The following KCNQ3 variants were observed in gnomAD, a reference collection of about 807,000 sequenced individuals.
KCNQ3 encodes the protein potassium voltage-gated channel subfamily Q member 3.
Under a neutral mutation model 92.5 loss-of-function variants are expected in KCNQ3, and 30 were observed. The ratio of observed to expected loss-of-function variants is 0.32; its 90% CI spans 0.24 to 0.44. The LOEUF (loss-of-function observed/expected upper bound fraction) is 0.44, where lower values mean the gene tolerates loss of function less well. Ranked by LOEUF, KCNQ3 falls within the 20% of genes least tolerant of loss-of-function variation. The pLI is 1.00. For synonymous variants in KCNQ3, 450 were observed against 468.8 expected, an observed-to-expected ratio of 0.96 and a Z score of 0.52; for missense variants, 913 against 1,140.3, an observed-to-expected ratio of 0.80 and a Z score of 2.87.
At chr8:132,229,023 A>G (rs767497343) in intron 1 of KCNQ3, among the ~76,000 whole-genome samples, 1 of 152,180 alleles carries the variant, frequency 6.6e-6, no homozygotes, top group Non-Finnish European at 1.5e-5. Context: ...TGGGAGGCCA[A>G]GGCAGATGGA....
At chr8:132,436,816 T>C (rs1821406104) in intron 1 of KCNQ3, among the ~76,000 whole-genome samples, 1 of 152,142 alleles carries the variant, frequency 6.6e-6, no homozygotes, top group South Asian at 2.1e-4. Context: ...TAGTTCTCCC[T>C]GGGCTCAGTC....
rs1181188163 is a variant in KCNQ3 at position 132,123,746 on chromosome 8, G to A, written c.*5516C>T. On this transcript the variant is annotated 3_prime_UTR_variant, in exon 15 of 15. Coordinates refer to ENST00000388996, the MANE Select transcript of KCNQ3 (RefSeq NM_004519.4). ...ATCTAAAAAGACAGGTGGTTGTTCT[G>A]GGTGATCAAAATCTCTTCTTGCTCT... 6.6e-6 allele frequency: 1 copy of A among 152,152 alleles called. No homozygotes were observed. The highest frequency in any genetic ancestry group is 2.4e-5 in the African/African-American group (1 of 41,412). The allele number at this position is 152,152 out of a possible 1,614,324, so 9.4% of individuals were successfully genotyped here. A position where few individuals can be genotyped will look rare whatever the true frequency, so the allele number is the denominator to read the frequency against.
At chr8:132,410,125 C>T (rs530997040) in intron 1 of KCNQ3, among the ~76,000 whole-genome samples, 1 of 152,132 alleles carries the variant, frequency 6.6e-6, no homozygotes, top group Non-Finnish European at 1.5e-5. Flanking sequence ...GAGACCCTGT[C>T]TCAAAAAATA....
chr8:132,325,902 T>C (rs1818033327), intron 1 of KCNQ3, among the ~76,000 whole-genome samples: 2 of 152,172 alleles, frequency 1.3e-5, no homozygotes, highest in South Asian at 4.1e-4. Context: ...GGTAGTCAAA[T>C]ACAGAACTGA....
chr8:132,348,676 C>A (rs1415284463), intron 1 of KCNQ3, among the ~76,000 whole-genome samples: 1 of 152,222 alleles, frequency 6.6e-6, no homozygotes, highest in Non-Finnish European at 1.5e-5. Context: ...CTCCTCTTCA[C>A]AGAGGGCTCT....
chr8:132,309,683 T>C (rs1166910083), intron 1 of KCNQ3, among the ~76,000 whole-genome samples: 1 of 152,170 alleles, frequency 6.6e-6, no homozygotes, highest in Admixed American at 6.5e-5. Flanking sequence ...AACTAGTAAC[T>C]GCATGACCAG....
At chr8:132,388,745 CT>C (rs1819968518) in intron 1 of KCNQ3, among the ~76,000 whole-genome samples, 1 of 152,192 alleles carries the variant, frequency 6.6e-6, no homozygotes, top group Non-Finnish European at 1.5e-5. Context: ...CAAGATGCTT[CT>C]CTTCATAAAA....
chr8:132,305,623 A>G (rs1238068328), intron 1 of KCNQ3, among the ~76,000 whole-genome samples: 1 of 152,062 alleles, frequency 6.6e-6, no homozygotes, highest in African/African-American at 2.4e-5. Context: ...ATTGCTTTCC[A>G]TGCCTCACTC....
In KCNQ3 at chr8:132,128,110, C is replaced by CAA. The variant is rs1172735512; in HGVS notation, c.*1150_*1151dup. On this transcript the variant is annotated 3_prime_UTR_variant, in exon 15 of 15. Transcript: ENST00000388996. The stretch of plus-strand genomic sequence containing the variant: ...TAAACTGGGTGCTTTCCACGCGACA[C>CAA]AAAGTCATATATCTTGACACAATCT... 1 of 152,138 alleles carries CAA rather than the reference C, an allele frequency of 6.6e-6. No homozygotes were observed. The highest frequency in any genetic ancestry group is 1.5e-5 in the Non-Finnish European group (1 of 68,034). 9.4% of individuals were successfully genotyped at this position (152,138 alleles called of 1,614,324 possible).
chr8:132,387,324 T>C (rs1035917676), intron 1 of KCNQ3, among the ~76,000 whole-genome samples: 9 of 152,332 alleles, frequency 5.9e-5, no homozygotes, highest in African/African-American at 1.9e-4. Flanking sequence ...ATCACCTTAA[T>C]AGATATCTAA....
At chr8:132,184,513 G>A (rs556387812) in intron 2 of KCNQ3, 146 bp from the exon 3 acceptor site, 2 of 766,942 alleles carry the variant, frequency 2.6e-6, no homozygotes, top group South Asian at 2.9e-5. Context: ...GATGGGGGTG[G>A]GGAAGGGGAA....
intron 1 of KCNQ3, among the ~76,000 whole-genome samples, chr8:132,409,693 T>C (rs552898377): frequency 5.3e-5 from 8 of 152,350 alleles, no homozygotes; most frequent in African/African-American, 1.9e-4. Flanking sequence ...CATTTATCCC[T>C]GGATTTCCTT....
chr8:132,226,985 A>G (rs1220247785), intron 1 of KCNQ3, among the ~76,000 whole-genome samples: 1 of 152,084 alleles, frequency 6.6e-6, no homozygotes, highest in Non-Finnish European at 1.5e-5. Context: ...AGCTTAAGTC[A>G]CTTGTCATAG....
intron 1 of KCNQ3, among the ~76,000 whole-genome samples, chr8:132,364,171 T>A (rs529564102): frequency 1.3e-5 from 2 of 152,280 alleles, no homozygotes; most frequent in Non-Finnish European, 2.9e-5. Context: ...AAAAATTGAA[T>A]TAAAATATTT....
intron 1 of KCNQ3, among the ~76,000 whole-genome samples, chr8:132,269,409 A>G (rs1186585068): frequency 6.6e-6 from 1 of 152,086 alleles, no homozygotes; most frequent in African/African-American, 2.4e-5. Context: ...GATTCTACTT[A>G]TTTATTTATT....
chr8:132,340,310 A>G (rs1335581713), intron 1 of KCNQ3, among the ~76,000 whole-genome samples: 1 of 152,228 alleles, frequency 6.6e-6, no homozygotes, highest in East Asian at 1.9e-4. Context: ...ACGCATGCAC[A>G]CATATGTTTA....
chr8:132,172,791 ACTT>A, intron 6 of KCNQ3, 98 bp from the exon 7 acceptor site: 1 of 845,666 alleles, frequency 1.2e-6, no homozygotes, highest in South Asian at 1.3e-5. Context: ...GCTCAATTGC[ACTT>A]CAAGTCCTTG....
intron 1 of KCNQ3, among the ~76,000 whole-genome samples, chr8:132,340,054 C>T (rs1563868001): frequency 6.6e-6 from 1 of 151,930 alleles, no homozygotes. Flanking sequence ...ATCAAAACCA[C>T]AATGAGATAC....
intron 12 of KCNQ3, 131 bp downstream of exon 12, chr8:132,137,754 G>A (rs1201335070): frequency 2.6e-6 from 3 of 1,146,182 alleles, no homozygotes; most frequent in Non-Finnish European, 3.9e-6. Context: ...CATCCACAAG[G>A]CTTCGTGGAT....
Sources: gnomAD v4.1 joint callset for allele counts (sites outside exome capture counted in the v4.1 genomes callset) on GRCh38, gnomAD v4.1.1 for gene constraint, MANE v1.5 for transcripts, NCBI Gene and HGNC (gene_info 2026-07-23, HGNC 2026-07-21) for gene names.